Variants in TMEM120B observed in about 807,000 individuals in gnomAD.
The protein encoded by TMEM120B is transmembrane protein 120B.
In TMEM120B, 31 loss-of-function variants were observed where a neutral mutation model predicts 55.5. That is an observed-to-expected ratio of 0.56 (90% CI 0.42 to 0.75). The LOEUF (loss-of-function observed/expected upper bound fraction) is 0.75. Ranked by LOEUF, TMEM120B falls within the 30% of genes least tolerant of loss-of-function variation. The pLI, the probability that TMEM120B is intolerant of heterozygous loss-of-function variation, is 0.00. For missense variants in TMEM120B, 399 were observed against 425.5 expected (o/e 0.94, Z 0.55); for synonymous variants, 203 against 176.3 (o/e 1.15, Z -1.20).
chr12:121,752,635 C>T (rs1873365742), intron 5 of TMEM120B, among the ~76,000 whole-genome samples: 1 of 152,026 alleles, frequency 6.6e-6, no homozygotes, highest in Non-Finnish European at 1.5e-5. Flanking sequence ...TGTCTTTAGT[C>T]CCAGCTACTC....
chr12:121,771,150 G>T lies in TMEM120B; in HGVS notation c.617+178G>T, dbSNP rs952596362. 5.3e-5 allele frequency among the ~76,000 whole-genome samples: 8 copies of T among 152,302 alleles called. No homozygotes were observed. In the South Asian group the frequency reaches 1.7e-3, roughly 32 times the overall value. ...GCGGGCCCCACCCAGCCCGTGAGGG[G>T]TTCTCCAGGGAATGGTTTCGGGTGT... is the stretch of plus-strand genomic sequence containing the variant. On this transcript the variant is annotated intron_variant, in intron 7 of 11. Coordinates refer to ENST00000449592, the MANE Select transcript of TMEM120B (RefSeq NM_001080825.2).
chr12:121,749,969 G>A (rs1284999750), intron 3 of TMEM120B, among the ~76,000 whole-genome samples: 1 of 150,366 alleles, frequency 6.7e-6, no homozygotes, highest in Admixed American at 6.6e-5. Flanking sequence ...CTCTAGCCTG[G>A]GCAACAGAGT....
intron 1 of TMEM120B, among the ~76,000 whole-genome samples, chr12:121,735,707 T>C (rs1173150508): frequency 1.3e-5 from 2 of 151,358 alleles, no homozygotes. Flanking sequence ...TTTTTTTTTT[T>C]TGAGACCAAG....
chr12:121,715,615 G>A (rs112750040), intron 1 of TMEM120B, among the ~76,000 whole-genome samples: 2 of 152,216 alleles, frequency 1.3e-5, no homozygotes, highest in South Asian at 2.1e-4. Flanking sequence ...AACTAGAAGG[G>A]ACTGCATCCT....
At chr12:121,723,944 G>A (rs552334434) in intron 1 of TMEM120B, among the ~76,000 whole-genome samples, 1 of 151,610 alleles carries the variant, frequency 6.6e-6, no homozygotes, top group Non-Finnish European at 1.5e-5. Flanking sequence ...GTGACTACAG[G>A]CACATACCAC....
chr12:121,773,656 C>CAGGA, intron 9 of TMEM120B, 143 bp downstream of exon 9: 1 of 622,548 alleles, frequency 1.6e-6, no homozygotes, highest in Non-Finnish European at 2.6e-6. Flanking sequence ...AGAATTCATC[C>CAGGA]TGGATTCTGT....
chr12:121,776,178 A>C lies in TMEM120B; in HGVS notation c.*456A>C. On this transcript the variant is annotated 3_prime_UTR_variant, in exon 12 of 12. Transcript: ENST00000449592. ...CCTGTGGCGCCCCCACCCCGGGGCCACTCTGCTTCTGCTGTGAGCCCCCTC... is the reference window on the plus strand; with the variant it reads ...CCTGTGGCGCCCCCACCCCGGGGCCCCTCTGCTTCTGCTGTGAGCCCCCTC... 3.0e-6 allele frequency: 1 copy of C among 329,610 alleles called. No individual in the cohort carries two copies. Among genetic ancestry groups the C allele is most frequent in the Non-Finnish European group, 5.5e-6 (1 of 181,872 alleles). The allele number at this position is 329,610 out of a possible 1,614,324, so 20.4% of individuals were successfully genotyped here.
chr12:121,775,182 G>A lies in TMEM120B; in HGVS notation c.906+52G>A. On this transcript the variant is annotated intron_variant, in intron 11 of 11. Coordinates refer to ENST00000449592, the MANE Select transcript of TMEM120B (RefSeq NM_001080825.2). The surrounding 1 kb of genome is among the most constrained non-coding windows in gnomAD (Gnocchi z 4.3). ...GGAGGTTCCCGGGAGGGCTGGGGTGGCAGGGATGGGGTGTATGTGTGGCAT... is the reference window on the plus strand; with the variant it reads ...GGAGGTTCCCGGGAGGGCTGGGGTGACAGGGATGGGGTGTATGTGTGGCAT... The A allele has an allele frequency of 1.4e-6, 2 of 1,411,988 alleles. No homozygotes were observed. Among genetic ancestry groups the A allele is most frequent in the African/African-American group, 2.9e-5 (2 of 68,940 alleles). The allele number at this position is 1,411,988 out of a possible 1,614,324, so 87.5% of individuals were successfully genotyped here.
intron 1 of TMEM120B, among the ~76,000 whole-genome samples, chr12:121,723,146 T>TTTTGTTTG (rs71801370): frequency 3.3e-5 from 5 of 150,940 alleles, no homozygotes; most frequent in Non-Finnish European, 7.4e-5. Flanking sequence ...CGCGCCTGGC[T>TTTTGTTTG]TTTGTTTGTT....
At chr12:121,745,787 C>T (rs551449580) in intron 2 of TMEM120B, among the ~76,000 whole-genome samples, 46 of 152,014 alleles carry the variant, frequency 3.0e-4, no homozygotes, top group African/African-American at 1.1e-3. Context: ...TGGGCTCAAG[C>T]GATCCTCCCA....
intron 4 of TMEM120B, among the ~76,000 whole-genome samples, chr12:121,751,503 A>C (rs1392725867): frequency 6.6e-6 from 1 of 151,350 alleles, no homozygotes. Flanking sequence ...AGCTCAGGGA[A>C]GTTGCATCTA....
At chr12:121,716,404 A>AT (rs905967258) in intron 1 of TMEM120B, among the ~76,000 whole-genome samples, 4 of 151,158 alleles carry the variant, frequency 2.6e-5, no homozygotes, top group Admixed American at 1.3e-4. Context: ...AATAGGAAGG[A>AT]TTTTTTTTCT....
intron 4 of TMEM120B, among the ~76,000 whole-genome samples, 189 bp downstream of exon 4, chr12:121,750,628 C>T (rs1374530027): frequency 6.9e-6 from 1 of 143,942 alleles, no homozygotes; most frequent in Non-Finnish European, 1.5e-5. Context: ...CAACACCACA[C>T]CCACACCCCA....
chr12:121,758,017 T>A (rs759180299), intron 5 of TMEM120B: 23 of 267,558 alleles, frequency 8.6e-5, no homozygotes, highest in Non-Finnish European at 1.1e-4. Context: ...TACTTAGGAG[T>A]CTGAGGTGAG....
chr12:121,747,006 C>T (rs968580430), intron 2 of TMEM120B, among the ~76,000 whole-genome samples: 9 of 151,994 alleles, frequency 5.9e-5, no homozygotes, highest in African/African-American at 2.2e-4. Flanking sequence ...ATAGTATTGT[C>T]AGTAATTATC....
At position 121,780,763 on chromosome 12, in the gene TMEM120B, G is replaced by T; in HGVS notation, c.*5041G>T. On this transcript the variant is annotated 3_prime_UTR_variant, in exon 12 of 12. Coordinates refer to ENST00000449592, the MANE Select transcript of TMEM120B (RefSeq NM_001080825.2). ...AGTTAAAAATTATTCTTAGAATCTT[G>T]CTTCCCTCAGCTCCCTGAAAGGCCA... 2 of 1,251,122 alleles carry T rather than the reference G, an allele frequency of 1.6e-6. No individual in the cohort carries two copies. The highest frequency in any genetic ancestry group is 2.2e-6 in the Non-Finnish European group (2 of 912,564). The allele number at this position is 1,251,122 out of a possible 1,614,324, so 77.5% of individuals were successfully genotyped here.
chr12:121,779,766 G>A lies in TMEM120B; in HGVS notation c.*4044G>A. 1 of 1,261,306 alleles carries A rather than the reference G, an allele frequency of 7.9e-7. No individual in the cohort carries two copies. Among genetic ancestry groups the A allele is most frequent in the Non-Finnish European group, 1.1e-6 (1 of 901,526 alleles). The allele number at this position is 1,261,306 out of a possible 1,614,324, so 78.1% of individuals were successfully genotyped here. ...CTCTGAGGACTCTGCAGGGATGGAG[G>A]CCTTGGTTTGGGCCTGTCTGTCTCC... On this transcript the variant is annotated 3_prime_UTR_variant, in exon 12 of 12. Transcript: ENST00000449592.
intron 6 of TMEM120B, among the ~76,000 whole-genome samples, chr12:121,767,348 G>C (rs1314872508): frequency 2.0e-5 from 3 of 152,170 alleles, no homozygotes; most frequent in Non-Finnish European, 4.4e-5. Context: ...TTTTAGTAGA[G>C]ACGGGGTTTC....
chr12:121,720,825 C>T (rs1056883320), intron 1 of TMEM120B, among the ~76,000 whole-genome samples: 3 of 152,202 alleles, frequency 2.0e-5, no homozygotes, highest in African/African-American at 7.2e-5. Context: ...CTGGACTGCC[C>T]AGCGACTTCT....
Sources: gnomAD v4.1 joint callset for allele counts (sites outside exome capture counted in the v4.1 genomes callset) on GRCh38, gnomAD v4.1.1 for gene constraint, Gnocchi (gnomAD v3.1) non-coding constraint, MANE v1.5 for transcripts, NCBI Gene and HGNC (gene_info 2026-07-23, HGNC 2026-07-21) for gene names.